LARP4B: variants seen among roughly 807,000 people sequenced by gnomAD.
LARP4B encodes La ribonucleoprotein 4B, also known as la-related protein 4B.
Under a neutral mutation model 89.8 loss-of-function variants are expected in LARP4B, and 12 were observed. That is an observed-to-expected ratio of 0.13 (90% CI 0.09 to 0.22). The LOEUF (loss-of-function observed/expected upper bound fraction) is 0.22, where lower values mean the gene tolerates loss of function less well. Ranked by LOEUF, LARP4B falls within the 10% of genes least tolerant of loss-of-function variation. The pLI is 1.00. For missense variants in LARP4B, 757 were observed against 947.7 expected (o/e 0.80, Z 2.64); for synonymous variants, 367 against 363.3 (o/e 1.01, Z -0.12).
chr10:883,440 G>C (rs962365045), intron 3 of LARP4B, among the ~76,000 whole-genome samples: 1 of 152,158 alleles, frequency 6.6e-6, no homozygotes, highest in Non-Finnish European at 1.5e-5. Flanking sequence ...GAACCCAGGA[G>C]GCGGAGGTTG....
At chr10:827,683 C>T (rs887421323) in intron 11 of LARP4B, among the ~76,000 whole-genome samples, 13 of 152,054 alleles carry the variant, frequency 8.5e-5, no homozygotes, top group Middle Eastern at 3.2e-3. Context: ...CAAGGATCCC[C>T]GAGAGGGTCA....
intron 14 of LARP4B, chr10:819,457 T>G (rs1019686729): frequency 6.6e-6 from 1 of 152,246 alleles, no homozygotes. Flanking sequence ...TCACACACTT[T>G]TACAGAAAAA....
At chr10:830,809 C>A in intron 9 of LARP4B, 58 bp downstream of exon 9, 2 of 772,652 alleles carry the variant, frequency 2.6e-6, no homozygotes, top group Non-Finnish European at 4.5e-6. Context: ...CCAACATGCA[C>A]TAATAGTAAA....
chr10:920,805 T>C (rs1836958457), intron 1 of LARP4B, among the ~76,000 whole-genome samples: 1 of 152,146 alleles, frequency 6.6e-6, no homozygotes, highest in Admixed American at 6.6e-5. Context: ...TAAAGGTTCC[T>C]TCAGTCTTTT....
rs1833201793 is a variant in LARP4B at position 836,062 on chromosome 10, GA to G, written c.750+340del. ...CCTTTGTCATAGAAATACTTGTTTT[GA>G]AAAGTTTTTTTTATCACAAAAGTGC... On this transcript the variant is annotated intron_variant, in intron 8 of 17. Coordinates refer to ENST00000316157, the MANE Select transcript of LARP4B (RefSeq NM_015155.3). 2.0e-5 allele frequency among the ~76,000 whole-genome samples: 3 copies of G among 147,478 alleles called. No homozygotes were observed. The South Asian group carries it at 6.3e-4, about 31-fold the overall frequency.
the LARP4B span, among the ~76,000 whole-genome samples, chr10:978,938 C>T: frequency 1.3e-5 from 2 of 151,992 alleles, no homozygotes; most frequent in East Asian, 1.9e-4. Context: ...TCCCACCCCC[C>T]CTCCTTAATA....
At chr10:963,346 G>A in the LARP4B span, among the ~76,000 whole-genome samples, 1 of 152,146 alleles carries the variant, frequency 6.6e-6, no homozygotes, top group Non-Finnish European at 1.5e-5. Context: ...TTTTCACCAC[G>A]TGCTTCTTAT....
intron 11 of LARP4B, among the ~76,000 whole-genome samples, chr10:827,220 G>C (rs946411104): frequency 1.3e-5 from 2 of 151,932 alleles, no homozygotes; most frequent in African/African-American, 2.4e-5. Flanking sequence ...AGCTTGCAGT[G>C]AGCCAAGATC....
At chr10:920,610 C>A (rs1836952220) in intron 1 of LARP4B, among the ~76,000 whole-genome samples, 1 of 151,958 alleles carries the variant, frequency 6.6e-6, no homozygotes. Flanking sequence ...CCTGTCTCTA[C>A]TAAAACTATA....
At chr10:852,511 C>T (rs1451674998) in intron 5 of LARP4B, among the ~76,000 whole-genome samples, 1 of 152,188 alleles carries the variant, frequency 6.6e-6, no homozygotes, top group African/African-American at 2.4e-5. Context: ...CCTAAAACCA[C>T]CACTAACGTT....
chr10:874,105 G>A (rs1160500498), intron 3 of LARP4B, among the ~76,000 whole-genome samples: 1 of 152,052 alleles, frequency 6.6e-6, no homozygotes, highest in Admixed American at 6.6e-5. Flanking sequence ...ATGGGAGTGT[G>A]TGCCTGTAGT....
At chr10:836,570 G>A (rs1378053413) in intron 7 of LARP4B, 64 bp from the exon 8 acceptor site, 4 of 1,046,062 alleles carry the variant, frequency 3.8e-6, no homozygotes, top group Non-Finnish European at 5.9e-6. Context: ...CCAGTGGAAT[G>A]TGTTACATTA....
the LARP4B span, among the ~76,000 whole-genome samples, chr10:938,370 C>A: frequency 6.6e-6 from 1 of 151,916 alleles, no homozygotes; most frequent in Non-Finnish European, 1.5e-5. Flanking sequence ...CCTGCCTCAG[C>A]CTCCCGAGTA....
intron 5 of LARP4B, among the ~76,000 whole-genome samples, chr10:859,368 T>C (rs2131819890): frequency 6.6e-6 from 1 of 152,062 alleles, no homozygotes; most frequent in East Asian, 1.9e-4. Context: ...TGTAAAATAC[T>C]ATGGCCTGTA....
chr10:840,836 G>A (rs1833487968), intron 7 of LARP4B, among the ~76,000 whole-genome samples: 2 of 152,152 alleles, frequency 1.3e-5, no homozygotes, highest in South Asian at 4.1e-4. Flanking sequence ...GTCTCTGCTA[G>A]GTAATTTGGG....
chr10:971,320 C>G, the LARP4B span: 3 of 152,076 alleles, frequency 2.0e-5, no homozygotes, highest in Non-Finnish European at 4.4e-5. Context: ...AGCACAAGGA[C>G]AGGGGAGATG....
chr10:920,398 G>A (rs1010968268), intron 1 of LARP4B, among the ~76,000 whole-genome samples: 3 of 152,182 alleles, frequency 2.0e-5, no homozygotes, highest in African/African-American at 4.8e-5. Flanking sequence ...ACAAAATAAC[G>A]TAGAACAAAA....
chr10:918,136 GAC>G (rs1346618657), intron 1 of LARP4B, among the ~76,000 whole-genome samples: 2 of 152,156 alleles, frequency 1.3e-5, no homozygotes, highest in African/African-American at 4.8e-5. Context: ...AACAAGCAAT[GAC>G]AGTTACATAA....
At chr10:913,232 GA>G in intron 1 of LARP4B, among the ~76,000 whole-genome samples, 1 of 152,302 alleles carries the variant, frequency 6.6e-6, no homozygotes, top group East Asian at 1.9e-4. Flanking sequence ...TAGTCTAAAG[GA>G]GGGGGGGAAT....
Sources: allele counts gnomAD v4.1 joint callset (sites outside exome capture counted in the v4.1 genomes callset), GRCh38; gene constraint gnomAD v4.1.1; transcripts MANE v1.5; gene names NCBI Gene and HGNC (gene_info 2026-07-23, HGNC 2026-07-21).